Variants in FRMD4B observed in about 807,000 individuals in gnomAD.
FRMD4B encodes the protein FERM domain-containing protein 4B.
In FRMD4B, 74 loss-of-function variants were observed where a neutral mutation model predicts 141.5. The ratio of observed to expected loss-of-function variants is 0.52; its 90% CI spans 0.43 to 0.63. The LOEUF is 0.63. Among genes scored for constraint, FRMD4B ranks in the 30% least tolerant of loss-of-function variants. FRMD4B has a pLI of 0.00. For synonymous variants in FRMD4B, 506 were observed against 467.9 expected (o/e 1.08, Z -1.05); for missense variants, 1,366 against 1,253.4 (o/e 1.09, Z -1.36).
intron 1 of FRMD4B, among the ~76,000 whole-genome samples, chr3:69,351,864 G>C (rs993945484): frequency 6.6e-6 from 1 of 152,158 alleles, no homozygotes; most frequent in African/African-American, 2.4e-5. Flanking sequence ...GTTTCTTCTG[G>C]TTTAAATGTT....
chr3:69,398,937 G>C (rs1575787802), intron 2 of FRMD4B, among the ~76,000 whole-genome samples: 1 of 152,042 alleles, frequency 6.6e-6, no homozygotes, highest in Non-Finnish European at 1.5e-5. Flanking sequence ...TTTTAAAAGA[G>C]TAAAGAAATG....
intron 5 of FRMD4B, among the ~76,000 whole-genome samples, chr3:69,277,136 A>C (rs1056757382): frequency 6.6e-6 from 1 of 152,216 alleles, no homozygotes; most frequent in Non-Finnish European, 1.5e-5. Flanking sequence ...TAATAGGATT[A>C]CTAATGTTTG....
intron 1 of FRMD4B, among the ~76,000 whole-genome samples, chr3:69,507,194 T>C (rs900503369): frequency 6.6e-5 from 10 of 152,184 alleles, no homozygotes; most frequent in Admixed American, 5.9e-4. Flanking sequence ...CATTTTTGGT[T>C]TGATTTTTAA....
At position 69,215,284 on chromosome 3, in the gene FRMD4B, C is replaced by CTTTTTTTTTT. The variant is rs577275162; in HGVS notation, c.876+969_876+978dup. The stretch of plus-strand genomic sequence containing the variant: ...TCCAAATCTGATAGATTGTGACCCT[C>CTTTTTTTTTT]TTTTTTTTTTTTTTTTTTTTTTTTT... On this transcript the variant is annotated intron_variant, in intron 11 of 22. Coordinates refer to ENST00000398540, the MANE Select transcript of FRMD4B (RefSeq NM_015123.3). Among the ~76,000 whole-genome samples, 130 of 45,226 alleles carry CTTTTTTTTTT rather than the reference C, an allele frequency of 2.9e-3. 45 individuals are homozygous for CTTTTTTTTTT. Among genetic ancestry groups the CTTTTTTTTTT allele is most frequent in the African/African-American group, 6.5e-3 (90 of 13,882 alleles). 29.7% of individuals were successfully genotyped at this position (45,226 alleles called of 152,430 possible).
chr3:69,204,502 C>A (rs2093002683), intron 11 of FRMD4B, among the ~76,000 whole-genome samples: 1 of 152,110 alleles, frequency 6.6e-6, no homozygotes, highest in Non-Finnish European at 1.5e-5. Context: ...GGTGGGGGAT[C>A]CCTCTGCTAT....
chr3:69,477,126 G>C (rs1323817689), intron 1 of FRMD4B, among the ~76,000 whole-genome samples: 1 of 152,100 alleles, frequency 6.6e-6, no homozygotes, highest in African/African-American at 2.4e-5. Flanking sequence ...GGGTTTTCTA[G>C]ATACACAATC....
At chr3:69,524,521 G>A (rs915761938) in intron 1 of FRMD4B, among the ~76,000 whole-genome samples, 14 of 152,314 alleles carry the variant, frequency 9.2e-5, no homozygotes, top group Admixed American at 2.6e-4. Context: ...GTTTAGATTA[G>A]TCCTGATTCA....
At chr3:69,522,467 G>C (rs190842920) in intron 1 of FRMD4B, among the ~76,000 whole-genome samples, 1 of 152,054 alleles carries the variant, frequency 6.6e-6, no homozygotes, top group Non-Finnish European at 1.5e-5. Context: ...TGGTCAGAAC[G>C]CAGCCTCCTC....
rs554142996 is a variant in FRMD4B at position 69,246,140 on chromosome 3, G to T, written c.581+3086C>A. The stretch of plus-strand genomic sequence containing the variant: ...GCGTGAGCCACTGTGCTCGGCACCC[G>T]GCGCCTGATTTTCTCAGAAGAGTTT... On this transcript the variant is annotated intron_variant, in intron 7 of 22. Coordinates refer to ENST00000398540, the MANE Select transcript of FRMD4B (RefSeq NM_015123.3). 1.1e-3 allele frequency among the ~76,000 whole-genome samples: 174 copies of T among 152,032 alleles called. 1 individual carries two copies. Among genetic ancestry groups the T allele is most frequent in the Non-Finnish European group, 2.2e-3 (151 of 67,988 alleles).
chr3:69,332,134 C>G (rs1363782771), intron 1 of FRMD4B, among the ~76,000 whole-genome samples: 1 of 152,114 alleles, frequency 6.6e-6, no homozygotes, highest in Non-Finnish European at 1.5e-5. Context: ...GATACAGACT[C>G]CTTCAGGATG....
chr3:69,272,207 T>C (rs760316441), intron 5 of FRMD4B, among the ~76,000 whole-genome samples: 1 of 152,128 alleles, frequency 6.6e-6, no homozygotes, highest in African/African-American at 2.4e-5. Flanking sequence ...AGTGGTATGA[T>C]CTTGGCTAAC....
chr3:69,225,694 CAAAAAAAAAAAAAA>C (rs144489759), intron 7 of FRMD4B, among the ~76,000 whole-genome samples: 8 of 23,354 alleles, frequency 3.4e-4, no homozygotes, highest in African/African-American at 7.4e-4. Context: ...GACTCCGTCT[CAAAAAAAAAAAAAA>C]AAAAAAAAAA....
intron 11 of FRMD4B, among the ~76,000 whole-genome samples, chr3:69,205,796 T>C (rs2093019410): frequency 6.6e-6 from 1 of 152,242 alleles, no homozygotes; most frequent in Admixed American, 6.5e-5. Context: ...TATTTGGTGA[T>C]ATAACTAGGC....
chr3:69,265,403 T>C (rs2093556124), intron 5 of FRMD4B, among the ~76,000 whole-genome samples: 2 of 147,714 alleles, frequency 1.4e-5, no homozygotes, highest in African/African-American at 4.9e-5. Flanking sequence ...GCAATGCACT[T>C]TTATTTTTAG....
intron 1 of FRMD4B, among the ~76,000 whole-genome samples, chr3:69,317,143 T>C (rs1341634117): frequency 2.0e-5 from 3 of 152,196 alleles, no homozygotes; most frequent in Admixed American, 2.0e-4. Context: ...TATTAGTCAA[T>C]ATTCCTTTTA....
At chr3:69,540,941 T>C (rs1227337380) in intron 1 of FRMD4B, among the ~76,000 whole-genome samples, 1 of 152,086 alleles carries the variant, frequency 6.6e-6, no homozygotes, top group African/African-American at 2.4e-5. Context: ...GTAAGCTCTC[T>C]AAACCACCAC....
chr3:69,323,072 G>C (rs1702063669), intron 1 of FRMD4B: 1 of 814,822 alleles, frequency 1.2e-6, no homozygotes, highest in African/African-American at 1.9e-5. Context: ...AGGGAGAAAA[G>C]CAGGCAGTGT....
At chr3:69,267,431 G>C (rs1203211933) in intron 5 of FRMD4B, among the ~76,000 whole-genome samples, 1 of 151,902 alleles carries the variant, frequency 6.6e-6, no homozygotes, top group Non-Finnish European at 1.5e-5. Flanking sequence ...AATAAAGACT[G>C]TATATTAAAC....
chr3:69,173,929 G>C (rs2092615466), intron 22 of FRMD4B, among the ~76,000 whole-genome samples: 1 of 152,102 alleles, frequency 6.6e-6, no homozygotes. Flanking sequence ...ATGAGGTCAG[G>C]AGTTCAAGAC....
Sources: gnomAD v4.1 joint callset for allele counts (sites outside exome capture counted in the v4.1 genomes callset) on GRCh38, gnomAD v4.1.1 for gene constraint, MANE v1.5 for transcripts, NCBI Gene and HGNC (gene_info 2026-07-23, HGNC 2026-07-21) for gene names.